The following ADAMTS6 variants were observed in gnomAD, a reference collection of about 807,000 sequenced individuals.
ADAMTS6 encodes the protein A disintegrin and metalloproteinase with thrombospondin motifs 6.
A neutral mutation model predicts 144.3 loss-of-function variants in ADAMTS6; 23 were observed. The ratio of observed to expected loss-of-function variants is 0.16; its 90% confidence interval spans 0.11 to 0.23. The LOEUF (loss-of-function observed/expected upper bound fraction) is 0.23, where lower values mean the gene tolerates loss of function less well. Ranked by LOEUF, ADAMTS6 falls within the 10% of genes least tolerant of loss-of-function variation. ADAMTS6 has a pLI of 1.00. For missense variants in ADAMTS6, 999 were observed against 1,379.6 expected (o/e 0.72, Z 4.37); for synonymous variants, 444 against 457.5 (o/e 0.97, Z 0.38).
At chr5:65,396,667 G>C (rs1288896344) in intron 7 of ADAMTS6, among the ~76,000 whole-genome samples, 2 of 152,156 alleles carry the variant, frequency 1.3e-5, no homozygotes, top group Non-Finnish European at 2.9e-5. Flanking sequence ...TCTTTTAATG[G>C]CTAGGACGCT....
At chr5:65,247,311 T>A (rs777429527) in intron 14 of ADAMTS6, among the ~76,000 whole-genome samples, 9 of 152,218 alleles carry the variant, frequency 5.9e-5, no homozygotes, top group Non-Finnish European at 1.0e-4. Flanking sequence ...AGTATCTCCT[T>A]CTGACTAAAC....
At chr5:65,253,812 CTTTTTTTTTTTTTTTTTTTT>C (rs759508097) in intron 14 of ADAMTS6, among the ~76,000 whole-genome samples, 1 of 66,962 alleles carries the variant, frequency 1.5e-5, no homozygotes, top group East Asian at 5.1e-4. Flanking sequence ...AATATTCAAT[CTTTTTTTTTTTTTTTTTTTT>C]TTTTTTTTTT....
chr5:65,399,687 T>A (rs998284842), intron 7 of ADAMTS6, among the ~76,000 whole-genome samples: 3 of 151,386 alleles, frequency 2.0e-5, no homozygotes, highest in African/African-American at 7.3e-5. Flanking sequence ...ATTAGTCATT[T>A]ATTTCATTTA....
At chr5:65,178,666 T>C (rs1425425395) in intron 22 of ADAMTS6, among the ~76,000 whole-genome samples, 3 of 152,212 alleles carry the variant, frequency 2.0e-5, no homozygotes, top group African/African-American at 7.2e-5. Flanking sequence ...CTAAGGGCCC[T>C]GGCAGCAATG....
At chr5:65,308,642 C>T (rs1015507705) in intron 9 of ADAMTS6, among the ~76,000 whole-genome samples, 2 of 152,176 alleles carry the variant, frequency 1.3e-5, no homozygotes, top group Non-Finnish European at 2.9e-5. Context: ...GAGCATAACT[C>T]TCCCTGGATG....
At chr5:65,197,204 T>C in intron 20 of ADAMTS6, 53 bp from the exon 21 acceptor site, 2 of 1,595,246 alleles carry the variant, frequency 1.3e-6, no homozygotes, top group Non-Finnish European at 1.7e-6. Flanking sequence ...TTCCATTAAG[T>C]TAGGTATGCA....
At chr5:65,162,417 T>G (rs1044923103) in intron 24 of ADAMTS6, among the ~76,000 whole-genome samples, 2 of 152,176 alleles carry the variant, frequency 1.3e-5, no homozygotes, top group African/African-American at 4.8e-5. Context: ...CAAAATACCC[T>G]ACTTTAAAGA....
chr5:65,338,240 G>C (rs577258205), intron 7 of ADAMTS6, among the ~76,000 whole-genome samples: 1 of 152,280 alleles, frequency 6.6e-6, no homozygotes, highest in South Asian at 2.1e-4. Context: ...AAGAAAGTTG[G>C]TCATAGGGAA....
chr5:65,394,798 G>T (rs1753203329), intron 7 of ADAMTS6, among the ~76,000 whole-genome samples: 1 of 152,078 alleles, frequency 6.6e-6, no homozygotes, highest in South Asian at 2.1e-4. Flanking sequence ...TATGTTTCCA[G>T]TATTTGACCC....
At position 65,299,971 on chromosome 5, in the gene ADAMTS6, C is replaced by T. The variant is rs1038559951; in HGVS notation, c.1370+14G>A. 1.2e-6 allele frequency: 2 copies of T among 1,610,646 alleles called. No homozygotes were observed. Among genetic ancestry groups the T allele is most frequent in the Non-Finnish European group, 1.7e-6 (2 of 1,178,552 alleles). On this transcript the variant is annotated intron_variant, in intron 10 of 24. Coordinates refer to ENST00000381055, the MANE Select transcript of ADAMTS6 (RefSeq NM_197941.4). ...TCTGGAGCTATTTATCATCACTCTC[C>T]AGAGATTACTTACTCTAGAAAGCTG...
intron 6 of ADAMTS6, 110 bp downstream of exon 6, chr5:65,452,023 G>A: frequency 1.1e-6 from 1 of 885,296 alleles, no homozygotes; most frequent in Non-Finnish European, 1.6e-6. Context: ...TATCCAACTA[G>A]AATTTCCTAA....
At chr5:65,424,721 A>C (rs543263373) in intron 7 of ADAMTS6, among the ~76,000 whole-genome samples, 1 of 152,352 alleles carries the variant, frequency 6.6e-6, no homozygotes, top group Non-Finnish European at 1.5e-5. Flanking sequence ...ACACACAGAC[A>C]AAAACCTCAA....
chr5:65,308,123 T>C (rs1744114396), intron 9 of ADAMTS6, among the ~76,000 whole-genome samples: 1 of 152,236 alleles, frequency 6.6e-6, no homozygotes, highest in African/African-American at 2.4e-5. Flanking sequence ...TAGACCCCTG[T>C]TGGTTATACA....
chr5:65,382,841 A>T (rs1752154684), intron 7 of ADAMTS6, among the ~76,000 whole-genome samples: 1 of 152,190 alleles, frequency 6.6e-6, no homozygotes, highest in Admixed American at 6.5e-5. Context: ...CTGCTATAAC[A>T]AAATACCTTA....
chr5:65,476,393 G>C (rs1303369643), intron 1 of ADAMTS6, among the ~76,000 whole-genome samples: 1 of 152,128 alleles, frequency 6.6e-6, no homozygotes, highest in East Asian at 1.9e-4. Flanking sequence ...TAAGTTTGTG[G>C]TAATTTGTTA....
intron 9 of ADAMTS6, among the ~76,000 whole-genome samples, chr5:65,323,702 C>T (rs1405076084): frequency 2.0e-5 from 3 of 152,180 alleles, no homozygotes; most frequent in Non-Finnish European, 4.4e-5. Flanking sequence ...CACCAACTTC[C>T]ACGATGGTTG....
intron 4 of ADAMTS6, among the ~76,000 whole-genome samples, chr5:65,457,741 C>CTTTTTTTTTT: frequency 8.2e-6 from 1 of 122,204 alleles, no homozygotes; most frequent in Non-Finnish European, 1.7e-5. Context: ...TTTTTTCTTT[C>CTTTTTTTTTT]TTTCTTTTTT....
chr5:65,361,356 T>C (rs1054324916), intron 7 of ADAMTS6, among the ~76,000 whole-genome samples: 1 of 152,160 alleles, frequency 6.6e-6, no homozygotes, highest in African/African-American at 2.4e-5. Flanking sequence ...TAGCCACCAC[T>C]ACTATCCACC....
At chr5:65,325,147 G>A (rs1343712610) in intron 9 of ADAMTS6, among the ~76,000 whole-genome samples, 3 of 152,158 alleles carry the variant, frequency 2.0e-5, no homozygotes, top group Non-Finnish European at 2.9e-5. Flanking sequence ...GAGGAGTGGG[G>A]AGGAGGGTAG....
Sources: allele counts gnomAD v4.1 joint callset (sites outside exome capture counted in the v4.1 genomes callset), GRCh38; gene constraint gnomAD v4.1.1; transcripts MANE v1.5; gene names NCBI Gene and HGNC (gene_info 2026-07-23, HGNC 2026-07-21).